BACH2: variants seen among roughly 807,000 people sequenced by gnomAD.
BACH2 encodes the protein transcription regulator protein BACH2.
Under a neutral mutation model 61.8 loss-of-function variants are expected in BACH2, and 5 were observed. The observed-to-expected ratio is 0.08, with a 90% CI of 0.04 to 0.17. BACH2 has a LOEUF of 0.17. Ranked by LOEUF, BACH2 falls within the 10% of genes least tolerant of loss-of-function variation. The probability of loss-of-function intolerance (pLI) is 1.00; values close to 1 mark genes in which losing one functional copy is unlikely to be tolerated. For synonymous variants in BACH2, 446 were observed against 440.1 expected, an observed-to-expected ratio of 1.01 and a Z score of -0.17; for missense variants, 824 against 1,091.1, an observed-to-expected ratio of 0.76 and a Z score of 3.45.
chr6:90,203,102 T>G (rs558283820), intron 4 of BACH2, among the ~76,000 whole-genome samples: 31 of 152,232 alleles, frequency 2.0e-4, no homozygotes, highest in African/African-American at 7.0e-4. Context: ...TAGAAATACT[T>G]TTGACAGAAT....
At chr6:90,134,004 G>T (rs183264608) in intron 4 of BACH2, among the ~76,000 whole-genome samples, 1 of 152,312 alleles carries the variant, frequency 6.6e-6, no homozygotes, top group Admixed American at 6.5e-5. Context: ...ATAAACATGT[G>T]TGCATGTGTC....
intron 4 of BACH2, among the ~76,000 whole-genome samples, chr6:90,122,292 T>C (rs955436176): frequency 6.6e-6 from 1 of 152,174 alleles, no homozygotes; most frequent in African/African-American, 2.4e-5. Context: ...AAATACCCAC[T>C]GTGAGAAATC....
chr6:89,951,143 C>G lies in BACH2; in HGVS notation c.963G>C (p.Thr321=). 4 of 1,611,244 alleles carry G rather than the reference C, an allele frequency of 2.5e-6. No individual in the cohort carries two copies. The highest frequency in any genetic ancestry group is 1.1e-5 in the South Asian group (1 of 90,636). The change falls in exon 7 of 9, where the codon ACG becomes ACC. Residue 321 remains threonine, a synonymous_variant. Transcript: ENST00000257749. The surrounding 1 kb of genome is among the most constrained non-coding windows in gnomAD (Gnocchi z 6.4). ...RKQPSPAPTP[T]APAGAACLER... ...CCAGGCAGGCGGCCCCAGCTGGGGC[C>G]GTGGGGGTAGGGGCAGGGCTGGGCT...
intron 3 of BACH2, among the ~76,000 whole-genome samples, chr6:90,241,104 C>A (rs1200657666): frequency 7.0e-6 from 1 of 142,306 alleles, no homozygotes; most frequent in African/African-American, 2.6e-5. Context: ...CACTGCACTC[C>A]AGCCTGGGTG....
intron 5 of BACH2, among the ~76,000 whole-genome samples, chr6:90,055,154 T>C (rs1213239214): frequency 1.3e-5 from 2 of 152,156 alleles, no homozygotes; most frequent in African/African-American, 4.8e-5. Flanking sequence ...AGAAGAAGGC[T>C]TCAGATGATC....
chr6:90,062,872 T>A, intron 5 of BACH2: 1 of 977,402 alleles, frequency 1.0e-6, no homozygotes, highest in African/African-American at 1.7e-5. Context: ...TTTAGACAGA[T>A]GAAAGGCTGA....
intron 5 of BACH2, among the ~76,000 whole-genome samples, chr6:90,027,400 C>G (rs76332168): frequency 0.012 from 1,845 of 152,298 alleles, 21 homozygotes; most frequent in Non-Finnish European, 0.017. Context: ...TCTTATATGC[C>G]TATACCACTG....
intron 5 of BACH2, among the ~76,000 whole-genome samples, chr6:90,042,368 A>AT (rs11435980): frequency 0.32 from 46,463 of 144,338 alleles, 7,613 homozygotes; most frequent in East Asian, 0.67. Flanking sequence ...AGTTTTTTGT[A>AT]TTTTTTTTTT....
intron 5 of BACH2, among the ~76,000 whole-genome samples, chr6:90,029,355 T>C (rs954869479): frequency 2.0e-5 from 3 of 152,158 alleles, no homozygotes; most frequent in African/African-American, 7.2e-5. Context: ...CCCGAGAGAC[T>C]GTTAGGAGAT....
chr6:90,173,962 C>T (rs1172585925), intron 4 of BACH2, among the ~76,000 whole-genome samples: 1 of 152,104 alleles, frequency 6.6e-6, no homozygotes, highest in Non-Finnish European at 1.5e-5. Context: ...ACCCAGAAAT[C>T]TGGTGTAGCT....
chr6:89,941,795 C>G (rs1416426207), intron 7 of BACH2, among the ~76,000 whole-genome samples: 2 of 152,108 alleles, frequency 1.3e-5, no homozygotes, highest in African/African-American at 2.4e-5. Context: ...TTTACTTACT[C>G]TCAGAAAGAA....
At chr6:89,998,001 AG>A (rs756690836) in intron 6 of BACH2, among the ~76,000 whole-genome samples, 2 of 152,270 alleles carry the variant, frequency 1.3e-5, no homozygotes, top group Non-Finnish European at 2.9e-5. Flanking sequence ...AAAAATAATC[AG>A]GAAAAAATGA....
At chr6:90,224,058 C>G (rs1769830263) in intron 3 of BACH2, among the ~76,000 whole-genome samples, 1 of 152,182 alleles carries the variant, frequency 6.6e-6, no homozygotes, top group South Asian at 2.1e-4. Context: ...TGGAAATGAG[C>G]AGATTTGAAT....
At chr6:90,209,257 A>G (rs1769260433) in intron 3 of BACH2, among the ~76,000 whole-genome samples, 1 of 118,000 alleles carries the variant, frequency 8.5e-6, no homozygotes. Flanking sequence ...ACAATAATGT[A>G]CAACACAGAT....
In BACH2 at chr6:89,950,871, C is replaced by T. The variant is rs200301007; in HGVS notation, c.1235G>A (p.Arg412Lys). Reference protein sequence around the residue: ...VSNFTMGSPLRGPGLEALCKQ... With the variant: ...VSNFTMGSPLKGPGLEALCKQ... ...ACAGAGAGCCTCCAACCCAGGCCCCCTGAGGGGCGACCCCATGGTGAAGTT... is the reference window on the plus strand; with the variant it reads ...ACAGAGAGCCTCCAACCCAGGCCCCTTGAGGGGCGACCCCATGGTGAAGTT... Residue 412 changes from arginine (R) to lysine (K), a missense_variant, in exon 7 of 9, where the codon AGG (arginine) becomes AAG (lysine). Arg to Lys is a conservative substitution (Grantham distance 26, BLOSUM62 2). Coordinates refer to ENST00000257749, the MANE Select transcript of BACH2 (RefSeq NM_021813.4). This position sits in a 1 kb window ranked among gnomAD's most constrained non-coding sequence, Gnocchi z 5.3. 6.2e-7 allele frequency: 1 copy of T among 1,609,382 alleles called. No individual in the cohort carries two copies. Among genetic ancestry groups the T allele is most frequent in the East Asian group, 2.2e-5 (1 of 44,840 alleles).
intron 4 of BACH2, among the ~76,000 whole-genome samples, chr6:90,133,125 C>A (rs758542116): frequency 2.6e-5 from 4 of 152,182 alleles, no homozygotes; most frequent in Non-Finnish European, 5.9e-5. Flanking sequence ...TATCATAGCT[C>A]CCAGAAGATT....
chr6:90,011,992 C>T (rs1277181039), intron 5 of BACH2, among the ~76,000 whole-genome samples: 1 of 142,182 alleles, frequency 7.0e-6, no homozygotes, highest in African/African-American at 2.5e-5. Flanking sequence ...GATGAGGTCT[C>T]GCCATATTGC....
chr6:90,150,347 T>C (rs1784772744), intron 4 of BACH2, among the ~76,000 whole-genome samples: 1 of 152,242 alleles, frequency 6.6e-6, no homozygotes. Context: ...CCCTCCTCAA[T>C]GGAGCCTCAG....
At chr6:90,244,534 T>C (rs895041829) in intron 3 of BACH2, among the ~76,000 whole-genome samples, 2 of 152,174 alleles carry the variant, frequency 1.3e-5, no homozygotes, top group Non-Finnish European at 2.9e-5. Flanking sequence ...CTTGGATGGA[T>C]TAGTATCAGC....
Sources: gnomAD v4.1 joint callset for allele counts (sites outside exome capture counted in the v4.1 genomes callset) on GRCh38, gnomAD v4.1.1 for gene constraint, Gnocchi (gnomAD v3.1) non-coding constraint, MANE v1.5 for transcripts, NCBI Gene and HGNC (gene_info 2026-07-23, HGNC 2026-07-21) for gene names.